TXNRD3: variants seen among roughly 807,000 people sequenced by gnomAD.
TXNRD3 encodes TXNRD3 neighbor gene protein.
TXNRD3 carries 68 observed loss-of-function variants against 78.2 expected under a neutral mutation model. That is an observed-to-expected ratio of 0.87 (90% CI 0.72 to 1.06). The LOEUF is 1.06. TXNRD3 is among the 50% of genes least tolerant of loss of function. The pLI, the probability that TXNRD3 is intolerant of heterozygous loss-of-function variation, is 0.00. For synonymous variants in TXNRD3, 296 were observed against 300.1 expected, an observed-to-expected ratio of 0.99 and a Z score of 0.14; for missense variants, 751 against 809.5, an observed-to-expected ratio of 0.93 and a Z score of 0.88.
chr3:126,632,457 G>A (rs1337695926), intron 7 of TXNRD3, among the ~76,000 whole-genome samples: 1 of 152,098 alleles, frequency 6.6e-6, no homozygotes, highest in South Asian at 2.1e-4. Flanking sequence ...AGGAGTTCGA[G>A]ACCAGCCTGG....
chr3:126,628,241 G>A (rs1938625324), intron 10 of TXNRD3, among the ~76,000 whole-genome samples: 1 of 152,054 alleles, frequency 6.6e-6, no homozygotes, highest in Admixed American at 6.5e-5. Flanking sequence ...AGAAAACATT[G>A]CTTTTTAGTG....
chr3:126,645,162 T>C (rs1170173423), intron 3 of TXNRD3, among the ~76,000 whole-genome samples: 1 of 152,220 alleles, frequency 6.6e-6, no homozygotes, highest in African/African-American at 2.4e-5. Context: ...CCATGAAGAA[T>C]GGGTGCCCAA....
intron 6 of TXNRD3, among the ~76,000 whole-genome samples, chr3:126,638,357 C>G (rs1022358737): frequency 1.3e-5 from 2 of 152,168 alleles, no homozygotes; most frequent in Non-Finnish European, 2.9e-5. Flanking sequence ...CTGATGACTT[C>G]TCTTGGCCCT....
At chr3:126,638,563 G>A (rs778018080) in intron 6 of TXNRD3, among the ~76,000 whole-genome samples, 7 of 151,976 alleles carry the variant, frequency 4.6e-5, no homozygotes, top group South Asian at 2.1e-4. Flanking sequence ...GTGAAACCCC[G>A]TCTCCACTAA....
At chr3:126,632,496 A>C (rs987418614) in intron 7 of TXNRD3, among the ~76,000 whole-genome samples, 1 of 151,672 alleles carries the variant, frequency 6.6e-6, no homozygotes, top group Non-Finnish European at 1.5e-5. Context: ...ATCTCTACTT[A>C]AAAAAACACA....
intron 13 of TXNRD3, among the ~76,000 whole-genome samples, chr3:126,611,765 T>C (rs1482955112): frequency 5.9e-5 from 9 of 152,138 alleles, no homozygotes; most frequent in African/African-American, 2.2e-4. Flanking sequence ...AATCACTCCA[T>C]ACACAAACAG....
At chr3:126,622,797 C>T (rs1466973748) in intron 10 of TXNRD3, among the ~76,000 whole-genome samples, 1 of 152,136 alleles carries the variant, frequency 6.6e-6, no homozygotes, top group Non-Finnish European at 1.5e-5. Flanking sequence ...CTAAGTACCT[C>T]CAAGGGTGAC....
chr3:126,623,840 G>A (rs1938508081), intron 10 of TXNRD3, among the ~76,000 whole-genome samples: 1 of 33,264 alleles, frequency 3.0e-5, no homozygotes, highest in Non-Finnish European at 8.2e-5. Flanking sequence ...GTATTAGCCA[G>A]TGAAACAAGG....
At chr3:126,648,323 A>G (rs1430639111) in intron 1 of TXNRD3, among the ~76,000 whole-genome samples, 1 of 151,914 alleles carries the variant, frequency 6.6e-6, no homozygotes, top group African/African-American at 2.4e-5. Flanking sequence ...ATTTAATGCA[A>G]TCCTTTTCAA....
At chr3:126,608,056 T>G (rs1036731290) in intron 15 of TXNRD3, 83 bp from the exon 16 acceptor site, 4 of 1,083,118 alleles carry the variant, frequency 3.7e-6, no homozygotes, top group Non-Finnish European at 5.1e-6. Context: ...ATATTTATGC[T>G]ATTCTTTAAA....
At position 126,621,918 on chromosome 3, in the gene TXNRD3, G is replaced by GA; in HGVS notation, c.1368-21dup. The GA allele has an allele frequency of 1.4e-6, 2 of 1,479,690 alleles. No individual in the cohort carries two copies. Among genetic ancestry groups the GA allele is most frequent in the African/African-American group, 1.4e-5 (1 of 70,754 alleles). 91.7% of individuals were successfully genotyped at this position (1,479,690 alleles called of 1,614,324 possible). A position where few individuals can be genotyped will look rare whatever the true frequency, so the allele number is the denominator to read the frequency against. ...CCACTCCTATTAGTTTTTGAAATGG[G>GA]AAAAAATATATATTACAACTCACTC... On this transcript the variant is annotated intron_variant, in intron 11 of 15. Transcript: ENST00000524230.
Position 126,644,466 on chromosome 3 carries a change from C to T in TXNRD3, c.415-65G>A, listed in dbSNP as rs138661580. ...AAAGTTTTACAGCTATTTATGTACA[C>T]CCTATGTTCAACTGGTATGGATTTC... On this transcript the variant is annotated intron_variant, in intron 3 of 15. Transcript: ENST00000524230. 5.4e-4 allele frequency: 584 copies of T among 1,073,968 alleles called. 2 individuals carry two copies. The East Asian group carries it at 0.015, about 27-fold the overall frequency. 66.5% of individuals were successfully genotyped at this position (1,073,968 alleles called of 1,614,324 possible).
rs149520345 is a variant in TXNRD3 at position 126,608,678 on chromosome 3, G to A, written c.1729-45C>T. 18 of 1,515,696 alleles carry A rather than the reference G, an allele frequency of 1.2e-5. No homozygotes were observed. The African/African-American group carries it at 2.1e-4, about 17-fold the overall frequency. The allele number at this position is 1,515,696 out of a possible 1,614,324, so 93.9% of individuals were successfully genotyped here. On this transcript the variant is annotated intron_variant, in intron 14 of 15. Transcript: ENST00000524230. ...CAAAGAGAATCCCAGTAGGTTAATG[G>A]TCTGAATATGGATCCATTCACTGCA...
chr3:126,626,651 G>C (rs879902894), intron 10 of TXNRD3, among the ~76,000 whole-genome samples: 1 of 152,056 alleles, frequency 6.6e-6, no homozygotes, highest in Non-Finnish European at 1.5e-5. Flanking sequence ...AAGTCCTAAG[G>C]GTCTGGAACA....
intron 6 of TXNRD3, among the ~76,000 whole-genome samples, chr3:126,640,743 C>T (rs535332774): frequency 6.6e-6 from 1 of 152,270 alleles, no homozygotes; most frequent in African/African-American, 2.4e-5. Context: ...AACCAGACTT[C>T]AGTCTTTGCT....
intron 2 of TXNRD3, among the ~76,000 whole-genome samples, chr3:126,646,636 A>G (rs1933239776): frequency 6.6e-6 from 1 of 152,216 alleles, no homozygotes; most frequent in Non-Finnish European, 1.5e-5. Context: ...CTGGTCCATC[A>G]CTACTTAAGA....
intron 2 of TXNRD3, 150 bp downstream of exon 2, chr3:126,647,086 G>A (rs938405945): frequency 3.6e-6 from 2 of 552,272 alleles, no homozygotes; most frequent in African/African-American, 3.9e-5. Context: ...TGCCACATTA[G>A]GGTTCATTTT....
chr3:126,633,226 T>A (rs956427177), intron 7 of TXNRD3, among the ~76,000 whole-genome samples: 1 of 152,144 alleles, frequency 6.6e-6, no homozygotes, highest in Non-Finnish European at 1.5e-5. Context: ...ATTAAAAAAA[T>A]TTAAATAAAA....
At chr3:126,620,355 G>A (rs189971662) in intron 12 of TXNRD3, among the ~76,000 whole-genome samples, 69 of 150,680 alleles carry the variant, frequency 4.6e-4, no homozygotes, top group African/African-American at 1.6e-3. Flanking sequence ...TGGGGAAATT[G>A]AATATTATAG....
Sources: gnomAD v4.1 joint callset for allele counts (sites outside exome capture counted in the v4.1 genomes callset) on GRCh38, gnomAD v4.1.1 for gene constraint, MANE v1.5 for transcripts, NCBI Gene and HGNC (gene_info 2026-07-23, HGNC 2026-07-21) for gene names.